Variants in SCAF11 observed in about 807,000 individuals in gnomAD.
The protein encoded by SCAF11 is protein SCAF11.
SCAF11 carries 47 observed loss-of-function variants against 140.5 expected under a neutral mutation model. That is an observed-to-expected ratio of 0.33 (90% CI 0.26 to 0.43). The LOEUF (loss-of-function observed/expected upper bound fraction) is 0.43, where lower values mean the gene tolerates loss of function less well. Among genes scored for constraint, SCAF11 ranks in the 20% least tolerant of loss-of-function variants. SCAF11 has a pLI of 1.00. For missense variants in SCAF11, 1,645 were observed against 1,705.1 expected (o/e 0.96, Z 0.62); for synonymous variants, 557 against 579.4 (o/e 0.96, Z 0.55).
intron 1 of SCAF11, among the ~76,000 whole-genome samples, chr12:45,989,555 AAAC>A: frequency 6.6e-6 from 1 of 152,372 alleles, no homozygotes; most frequent in Admixed American, 6.5e-5. Context: ...TCTACTTTTG[AAAC>A]AATACTTCAA....
chr12:45,954,904 C>T (rs925507298), intron 3 of SCAF11: 13 of 150,144 alleles, frequency 8.7e-5, no homozygotes, highest in Admixed American at 7.3e-4. Flanking sequence ...CCATTTGATC[C>T]GTTTCAAAAA....
intron 2 of SCAF11, among the ~76,000 whole-genome samples, chr12:45,963,571 T>A (rs11574958): frequency 1.3e-5 from 2 of 152,088 alleles, no homozygotes; most frequent in African/African-American, 4.8e-5. Flanking sequence ...AGACCTTCAC[T>A]AAAGAAACTT....
chr12:45,967,768 C>T (rs1471334838), intron 1 of SCAF11, among the ~76,000 whole-genome samples: 1 of 152,184 alleles, frequency 6.6e-6, no homozygotes, highest in African/African-American at 2.4e-5. Context: ...TGCCATGTTA[C>T]TAATTTAGTC....
rs923784794 is a variant in SCAF11 at position 45,965,574 on chromosome 12, A to C, written c.-21-1386T>G. Among the ~76,000 whole-genome samples, 3 of 152,294 alleles carry C rather than the reference A, an allele frequency of 2.0e-5. No homozygotes were observed. In the South Asian group the frequency reaches 6.2e-4, roughly 32 times the overall value. On this transcript the variant is annotated intron_variant, in intron 1 of 14. Transcript: ENST00000369367. ...AGCGATCCTCCTGCCTCCACCTCCC[A>C]AAATGCTGGAATTACAGGCATAAGC...
At chr12:45,971,472 A>G (rs1284388541) in intron 1 of SCAF11, among the ~76,000 whole-genome samples, 1 of 152,226 alleles carries the variant, frequency 6.6e-6, no homozygotes, top group Admixed American at 6.5e-5. Context: ...TAGAGAAGAC[A>G]CCAGAATCTG....
chr12:45,951,619 A>G (rs1486308571), intron 4 of SCAF11, 31 bp downstream of exon 4: 4 of 1,370,784 alleles, frequency 2.9e-6, no homozygotes, highest in Admixed American at 2.1e-5. Flanking sequence ...TAATTTTTAT[A>G]TAATTCATGT....
At chr12:45,982,499 G>T (rs1391776868) in intron 1 of SCAF11, among the ~76,000 whole-genome samples, 1 of 152,152 alleles carries the variant, frequency 6.6e-6, no homozygotes, top group Non-Finnish European at 1.5e-5. Flanking sequence ...TTGAGGTCAG[G>T]AGTTCGAGAT....
chr12:45,977,847 C>G (rs1946268588), intron 1 of SCAF11, among the ~76,000 whole-genome samples: 1 of 152,034 alleles, frequency 6.6e-6, no homozygotes. Flanking sequence ...ATATCTATAA[C>G]CTGTACAGAC....
At chr12:45,945,954 G>T (rs1012577484) in intron 5 of SCAF11, among the ~76,000 whole-genome samples, 2 of 151,986 alleles carry the variant, frequency 1.3e-5, no homozygotes, top group African/African-American at 4.8e-5. Flanking sequence ...GCCTCCCAAA[G>T]TGCTGGGATT....
chr12:45,980,813 T>A lies in SCAF11; in HGVS notation c.-22+9540A>T, dbSNP rs1946333104. 3.3e-5 allele frequency among the ~76,000 whole-genome samples: 5 copies of A among 152,126 alleles called. No individual in the cohort carries two copies. The South Asian group carries it at 1.0e-3, about 32-fold the overall frequency. On this transcript the variant is annotated intron_variant, in intron 1 of 14. Coordinates refer to ENST00000369367, the MANE Select transcript of SCAF11 (RefSeq NM_004719.3). ...TAGTGCAAAGAACCTGAGAGTAGAATAACTGGATTAAGACTGTCCTGCTCC... is the reference window on the plus strand; with the variant it reads ...TAGTGCAAAGAACCTGAGAGTAGAAAAACTGGATTAAGACTGTCCTGCTCC...
At chr12:45,991,107 G>A (rs1946598836), upstream of SCAF11, among the ~76,000 whole-genome samples, 1 of 152,230 alleles carries the variant, frequency 6.6e-6, no homozygotes. Context: ...TCACCTGGCT[G>A]CGCTGCCCAC....
chr12:45,929,230 G>A (rs566949662), intron 10 of SCAF11: 111 of 155,174 alleles, frequency 7.2e-4, no homozygotes, highest in African/African-American at 2.6e-3. Context: ...CAATCATCGC[G>A]CACAGAAGCC....
chr12:45,920,683 C>G lies in SCAF11; in HGVS notation c.*1365G>C, dbSNP rs535650938. 2.3e-4 allele frequency: 35 copies of G among 152,376 alleles called. No homozygotes were observed. The highest frequency in any genetic ancestry group is 8.4e-4 in the African/African-American group (35 of 41,462). 9.4% of individuals were successfully genotyped at this position (152,376 alleles called of 1,614,324 possible). A position where few individuals can be genotyped will look rare whatever the true frequency, so the allele number is the denominator to read the frequency against. On this transcript the variant is annotated 3_prime_UTR_variant, in exon 15 of 15. Coordinates refer to ENST00000369367, the MANE Select transcript of SCAF11 (RefSeq NM_004719.3). ...CATTATTTAAATTTCCCCTCTGTTT[C>G]TAAAACACAGGTTTTACTGTCTAGA...
At chr12:45,945,208 A>T in intron 6 of SCAF11, 41 bp downstream of exon 6, 1 of 1,221,432 alleles carries the variant, frequency 8.2e-7, no homozygotes, top group Non-Finnish European at 1.2e-6. Context: ...TTAAAAAACA[A>T]CAAAAAAAAA....
intron 1 of SCAF11, 99 bp downstream of exon 1, chr12:45,990,254 G>A (rs1190953306): frequency 9.0e-6 from 11 of 1,227,678 alleles, no homozygotes; most frequent in Non-Finnish European, 1.0e-5. Context: ...CCCTCGCGTC[G>A]CCCTAGGCCC....
upstream of SCAF11, chr12:45,991,852 A>G (rs1171008270): frequency 7.9e-7 from 1 of 1,258,446 alleles, no homozygotes; most frequent in African/African-American, 1.5e-5. Flanking sequence ...CGGCTCCCGC[A>G]GGACTAAGCT....
chr12:45,940,243 GA>G (rs780884255), intron 6 of SCAF11, among the ~76,000 whole-genome samples: 3 of 150,612 alleles, frequency 2.0e-5, no homozygotes, highest in Non-Finnish European at 3.0e-5. Flanking sequence ...TAACCTGAAG[GA>G]AAAAAAAATC....
chr12:45,932,437 G>GGT (rs1220179345), intron 9 of SCAF11, among the ~76,000 whole-genome samples: 3 of 151,856 alleles, frequency 2.0e-5, no homozygotes, highest in Non-Finnish European at 4.4e-5. Context: ...TATAAGGAAG[G>GGT]GTTTCATAGT....
At chr12:45,973,428 TAATG>T (rs1230820675) in intron 1 of SCAF11, among the ~76,000 whole-genome samples, 1 of 150,984 alleles carries the variant, frequency 6.6e-6, no homozygotes, top group African/African-American at 2.4e-5. Flanking sequence ...GAAGAAGAAA[TAATG>T]GGTGGAAACT....
Sources: gnomAD v4.1 joint callset for allele counts (sites outside exome capture counted in the v4.1 genomes callset) on GRCh38, gnomAD v4.1.1 for gene constraint, MANE v1.5 for transcripts, NCBI Gene and HGNC (gene_info 2026-07-23, HGNC 2026-07-21) for gene names.